RAB40B: variants seen among roughly 807,000 people sequenced by gnomAD.
The protein encoded by RAB40B is RAB40B, member RAS oncogene family, also known as ras-related protein Rab-40B.
In RAB40B, 21 loss-of-function variants were observed where a neutral mutation model predicts 24.0. The observed-to-expected ratio is 0.88, with a 90% CI of 0.62 to 1.26. RAB40B has a LOEUF of 1.26. Ranked by LOEUF, RAB40B falls within the 50% of genes most tolerant of loss-of-function variation. The probability of loss-of-function intolerance (pLI) is 0.00; values close to 1 mark genes in which losing one functional copy is unlikely to be tolerated. For missense variants in RAB40B, 348 were observed against 390.5 expected (o/e 0.89, Z 0.92); for synonymous variants, 167 against 169.8 (o/e 0.98, Z 0.13).
intron 1 of RAB40B, among the ~76,000 whole-genome samples, chr17:82,688,456 T>C (rs2046524768): frequency 6.7e-6 from 1 of 150,096 alleles, no homozygotes; most frequent in Non-Finnish European, 1.5e-5. Flanking sequence ...CTATTAAAAA[T>C]ACCAAAAAAT....
In RAB40B at chr17:82,674,637, TAA is replaced by T. The variant is rs34107818; in HGVS notation, c.143-10083_143-10082del. ...CTGGGCGACAGAGCAAGACTCGTCT[TAA>T]AAAAAAAAAAAAAGAAAAGAAAAGA... On this transcript the variant is annotated intron_variant, in intron 1 of 5. Transcript: ENST00000571995. 2.2e-3 allele frequency among the ~76,000 whole-genome samples: 316 copies of T among 143,630 alleles called. 3 individuals are homozygous for T. The highest frequency in any genetic ancestry group is 3.6e-3 in the Middle Eastern group (1 of 280). 94.2% of individuals were successfully genotyped at this position (143,630 alleles called of 152,430 possible).
At chr17:82,660,765 G>GCA (rs1301304507) in intron 3 of RAB40B, among the ~76,000 whole-genome samples, 1 of 152,118 alleles carries the variant, frequency 6.6e-6, no homozygotes, top group African/African-American at 2.4e-5. Flanking sequence ...ACGTGTACAT[G>GCA]CACACACAGT....
rs1242798381 is a variant in RAB40B, at chr17:82,688,959, T to C, written c.142+9496A>G. Among the ~76,000 whole-genome samples, 5 of 152,342 alleles carry C rather than the reference T, an allele frequency of 3.3e-5. No individual in the cohort carries two copies. The East Asian group carries it at 9.6e-4, about 29-fold the overall frequency. ...AAAAAAAATTTAAAAATTGTTTTGT[T>C]TGATAAAGTCTAGATCTCTAATATT... On this transcript the variant is annotated intron_variant, in intron 1 of 5. Coordinates refer to ENST00000571995, the MANE Select transcript of RAB40B (RefSeq NM_006822.3).
Position 82,686,499 on chromosome 17 carries a change from A to G in RAB40B, c.142+11956T>C, listed in dbSNP as rs149006226. ...TCCAATGGCTAGTGTTCTTATAAGC[A>G]CAGAGAGATTTGGGGACACAGACAC... On this transcript the variant is annotated intron_variant, in intron 1 of 5. Coordinates refer to ENST00000571995, the MANE Select transcript of RAB40B (RefSeq NM_006822.3). Among the ~76,000 whole-genome samples, 382 of 152,316 alleles carry G rather than the reference A, an allele frequency of 2.5e-3. 1 individual carries two copies. Among genetic ancestry groups the G allele is most frequent in the African/African-American group, 7.6e-3 (315 of 41,574 alleles).
At chr17:82,659,370 T>G in intron 4 of RAB40B, 1 of 572,318 alleles carries the variant, frequency 1.7e-6, no homozygotes. Flanking sequence ...CTGGACCAGC[T>G]TCCTGAGCTT....
intron 1 of RAB40B, among the ~76,000 whole-genome samples, chr17:82,678,110 T>TTTTTTG (rs1205867664): frequency 6.6e-6 from 1 of 152,226 alleles, no homozygotes; most frequent in African/African-American, 2.4e-5. Flanking sequence ...CTTTGCAGTT[T>TTTTTTG]TTTTTGTTTT....
At chr17:82,696,014 C>T (rs2046606477) in intron 1 of RAB40B, among the ~76,000 whole-genome samples, 1 of 152,024 alleles carries the variant, frequency 6.6e-6, no homozygotes, top group South Asian at 2.1e-4. Flanking sequence ...GGATTACAGA[C>T]ATGTGACACC....
chr17:82,674,131 A>C (rs2046369405), intron 1 of RAB40B, among the ~76,000 whole-genome samples: 1 of 151,854 alleles, frequency 6.6e-6, no homozygotes, highest in African/African-American at 2.4e-5. Flanking sequence ...ACCTGAGGTC[A>C]GGAGTTTGAG....
At chr17:82,664,800 G>C (rs79751177) in intron 1 of RAB40B, 81,143 of 466,930 alleles carry the variant, frequency 0.17, 7,971 homozygotes, top group East Asian at 0.24. Flanking sequence ...GCATCACCCT[G>C]GCCCAGGGGG....
At chr17:82,674,538 C>G (rs2046376527) in intron 1 of RAB40B, among the ~76,000 whole-genome samples, 1 of 146,394 alleles carries the variant, frequency 6.8e-6, no homozygotes, top group Admixed American at 6.8e-5. Context: ...ACTCGGGAGG[C>G]TGAGGCAGGA....
intron 1 of RAB40B, among the ~76,000 whole-genome samples, chr17:82,688,386 G>T (rs142125807): frequency 6.7e-6 from 1 of 148,916 alleles, no homozygotes; most frequent in Non-Finnish European, 1.5e-5. Context: ...AGTCCGAGGC[G>T]GGTAGATCAC....
intron 1 of RAB40B, among the ~76,000 whole-genome samples, chr17:82,686,978 G>A (rs998009132): frequency 2.6e-5 from 4 of 151,974 alleles, no homozygotes; most frequent in Non-Finnish European, 5.9e-5. Context: ...CTGGGGGGAA[G>A]GAGGCTCAGA....
rs148529691 is a variant in RAB40B, at chr17:82,680,671, C to A, written c.143-16115G>T. The stretch of plus-strand genomic sequence containing the variant: ...TTTTCTTTCTACCTAGTAGTAATAC[C>A]TATAATGATATATGTAATTTTAACA... On this transcript the variant is annotated intron_variant, in intron 1 of 5. Coordinates refer to ENST00000571995, the MANE Select transcript of RAB40B (RefSeq NM_006822.3). Among the ~76,000 whole-genome samples the A allele has an allele frequency of 7.9e-3, 1,196 of 152,122 alleles. 13 individuals are homozygous for A. The highest frequency in any genetic ancestry group is 0.021 in the African/African-American group (851 of 41,470).
intron 1 of RAB40B, among the ~76,000 whole-genome samples, chr17:82,680,274 T>C (rs949480035): frequency 3.3e-5 from 5 of 152,270 alleles, no homozygotes; most frequent in Non-Finnish European, 5.9e-5. Flanking sequence ...GGAGTGGCCA[T>C]AGGATCCAGT....
At chr17:82,680,304 G>A (rs1031382437) in intron 1 of RAB40B, among the ~76,000 whole-genome samples, 10 of 152,168 alleles carry the variant, frequency 6.6e-5, no homozygotes, top group Admixed American at 4.6e-4. Flanking sequence ...GCCCTGGGTC[G>A]CAGGCAGGAG....
Position 82,664,565 on chromosome 17 carries a change from G to A in RAB40B, c.143-9C>T, listed in dbSNP as rs201153359. 531 of 1,613,444 alleles carry A rather than the reference G, an allele frequency of 3.3e-4. 1 individual carries two copies. Among genetic ancestry groups the A allele is most frequent in the Admixed American group, 1.2e-3 (73 of 59,988 alleles). On this transcript the variant is annotated splice_polypyrimidine_tract_variant and intron_variant, in intron 1 of 5. Coordinates refer to ENST00000571995, the MANE Select transcript of RAB40B (RefSeq NM_006822.3). ...CGTCTTGTAGTCGATGCCTGCGGAA[G>A]GGTTAGAGACGGCTTAGGCCTGAGG...
intron 3 of RAB40B, among the ~76,000 whole-genome samples, chr17:82,660,141 T>A (rs1375243721): frequency 6.9e-6 from 1 of 144,420 alleles, no homozygotes; most frequent in African/African-American, 2.6e-5. Flanking sequence ...ACACGTGTAC[T>A]CATGCACAGA....
chr17:82,662,603 G>A (rs748516921), intron 2 of RAB40B: 17 of 985,190 alleles, frequency 1.7e-5, no homozygotes, highest in Middle Eastern at 5.2e-4. Context: ...TCCACACTCC[G>A]GGGTCCACGG....
chr17:82,693,310 T>G (rs1432287412), intron 1 of RAB40B, among the ~76,000 whole-genome samples: 1 of 152,114 alleles, frequency 6.6e-6, no homozygotes, highest in Non-Finnish European at 1.5e-5. Context: ...CCCGGCCGAC[T>G]TGGGCATTTT....
Sources: gnomAD v4.1 joint callset for allele counts (sites outside exome capture counted in the v4.1 genomes callset) on GRCh38, gnomAD v4.1.1 for gene constraint, MANE v1.5 for transcripts, NCBI Gene and HGNC (gene_info 2026-07-23, HGNC 2026-07-21) for gene names.